The following VRK2 variants were observed in gnomAD, a reference collection of about 807,000 sequenced individuals.
The protein encoded by VRK2 is VRK serine/threonine kinase 2, also known as serine/threonine-protein kinase VRK2.
In VRK2, 60 loss-of-function variants were observed where a neutral mutation model predicts 57.6. The ratio of observed to expected loss-of-function variants is 1.04; its 90% CI spans 0.85 to 1.29. The LOEUF (loss-of-function observed/expected upper bound fraction) is 1.29, where lower values mean the gene tolerates loss of function less well. VRK2 is among the 50% of genes most tolerant of loss of function. The pLI, the probability that VRK2 is intolerant of heterozygous loss-of-function variation, is 0.00. For synonymous variants in VRK2, 231 were observed against 199.2 expected, an observed-to-expected ratio of 1.16 and a Z score of -1.35; for missense variants, 705 against 588.1, an observed-to-expected ratio of 1.20 and a Z score of -2.06.
chr2:58,059,031 G>A (rs1376720321), intron 2 of VRK2, among the ~76,000 whole-genome samples: 1 of 152,014 alleles, frequency 6.6e-6, no homozygotes, highest in African/African-American at 2.4e-5. Context: ...TAAGAAATCT[G>A]TTAGTGATGA....
At chr2:58,044,822 G>C (rs1674617093), upstream of VRK2, among the ~76,000 whole-genome samples, 1 of 152,278 alleles carries the variant, frequency 6.6e-6, no homozygotes, top group Admixed American at 6.5e-5. Flanking sequence ...GTGCATAATA[G>C]GTAGATCAGT....
At chr2:57,934,276 G>T (rs1002393770) in intron 1 of VRK2, among the ~76,000 whole-genome samples, 8 of 152,084 alleles carry the variant, frequency 5.3e-5, no homozygotes, top group Non-Finnish European at 1.0e-4. Flanking sequence ...CCTTGAATCA[G>T]GTTGAAGAAC....
intron 2 of VRK2, among the ~76,000 whole-genome samples, chr2:58,062,043 A>G (rs1677419928): frequency 6.6e-6 from 1 of 152,072 alleles, no homozygotes; most frequent in African/African-American, 2.4e-5. Flanking sequence ...CCCTGCATCA[A>G]CCAAATCTAT....
At chr2:58,072,963 C>T (rs1669566735) in intron 2 of VRK2, among the ~76,000 whole-genome samples, 1 of 152,090 alleles carries the variant, frequency 6.6e-6, no homozygotes, top group Middle Eastern at 3.4e-3. Flanking sequence ...GTATTCAATG[C>T]TATAAATTTC....
At chr2:58,052,448 C>G (rs1470309985) in intron 2 of VRK2, among the ~76,000 whole-genome samples, 2 of 151,752 alleles carry the variant, frequency 1.3e-5, no homozygotes, top group African/African-American at 2.4e-5. Flanking sequence ...TACTAAAACA[C>G]AAAAAATTAG....
intron 1 of VRK2, among the ~76,000 whole-genome samples, chr2:57,926,160 G>A (rs1443575650): frequency 6.6e-6 from 1 of 151,538 alleles, no homozygotes; most frequent in Non-Finnish European, 1.5e-5. Context: ...GGGTATCTTT[G>A]AGAATAATCC....
At chr2:57,911,668 G>A (rs1163798865) in intron 1 of VRK2, among the ~76,000 whole-genome samples, 3 of 152,178 alleles carry the variant, frequency 2.0e-5, no homozygotes, top group African/African-American at 4.8e-5. Context: ...TAATTCATGT[G>A]CATCAATGGA....
intron 1 of VRK2, among the ~76,000 whole-genome samples, chr2:57,909,485 T>A (rs1415506617): frequency 1.3e-5 from 2 of 152,032 alleles, no homozygotes; most frequent in African/African-American, 4.8e-5. Context: ...TGTTTTTTTT[T>A]TAGTTCTCAA....
At chr2:58,113,364 A>C (rs1675882267) in intron 7 of VRK2, among the ~76,000 whole-genome samples, 1 of 151,804 alleles carries the variant, frequency 6.6e-6, no homozygotes, top group African/African-American at 2.4e-5. Context: ...AACTTCCCTT[A>C]ATCAGATGAT....
chr2:58,147,241 A>AT, intron 12 of VRK2: 1 of 516,964 alleles, frequency 1.9e-6, no homozygotes, highest in African/African-American at 1.9e-5. Flanking sequence ...CAAAAATTAG[A>AT]AGCATAGTAC....
chr2:58,134,673 A>C (rs1330954590), intron 9 of VRK2, among the ~76,000 whole-genome samples: 1 of 149,954 alleles, frequency 6.7e-6, no homozygotes, highest in Non-Finnish European at 1.5e-5. Flanking sequence ...CCCCCGCCCC[A>C]GTTCAGTACC....
intron 1 of VRK2, among the ~76,000 whole-genome samples, chr2:57,961,474 G>A (rs567166619): frequency 6.6e-6 from 1 of 152,264 alleles, no homozygotes; most frequent in African/African-American, 2.4e-5. Flanking sequence ...TATAGGCATT[G>A]ACAAGTCACA....
At chr2:57,983,192 G>A (rs1002434999) in intron 1 of VRK2, among the ~76,000 whole-genome samples, 31 of 152,058 alleles carry the variant, frequency 2.0e-4, no homozygotes, top group African/African-American at 7.0e-4. Context: ...GGTTTCTCTC[G>A]TGGGTGAAGC....
At chr2:58,136,692 G>A (rs189446422) in intron 10 of VRK2, among the ~76,000 whole-genome samples, 95 of 150,626 alleles carry the variant, frequency 6.3e-4, no homozygotes, top group African/African-American at 1.9e-3. Context: ...GCCCTTATTG[G>A]CACTTTTACC....
chr2:57,944,029 G>A (rs994621948), intron 1 of VRK2, among the ~76,000 whole-genome samples: 9 of 152,176 alleles, frequency 5.9e-5, no homozygotes, highest in African/African-American at 2.2e-4. Flanking sequence ...GGCTCATAGA[G>A]TGTAGTTTGC....
At chr2:58,050,123 G>A (rs1336589188) in intron 2 of VRK2, among the ~76,000 whole-genome samples, 1 of 151,948 alleles carries the variant, frequency 6.6e-6, no homozygotes, top group Non-Finnish European at 1.5e-5. Context: ...TACATATGTA[G>A]TTTAAAATTT....
At chr2:57,947,737 T>G (rs1671305217) in intron 1 of VRK2, among the ~76,000 whole-genome samples, 2 of 152,226 alleles carry the variant, frequency 1.3e-5, no homozygotes, top group Non-Finnish European at 2.9e-5. Context: ...ACTTTTTTTC[T>G]GTATAGCCCT....
chr2:58,156,381 A>G (rs1000100264), intron 12 of VRK2, among the ~76,000 whole-genome samples: 3 of 151,992 alleles, frequency 2.0e-5, no homozygotes. Context: ...AGCTGCTTTT[A>G]TCTGTGGGTT....
At chr2:57,933,927 T>C (rs1390660467) in intron 1 of VRK2, among the ~76,000 whole-genome samples, 1 of 152,186 alleles carries the variant, frequency 6.6e-6, no homozygotes, top group Non-Finnish European at 1.5e-5. Context: ...TTGTTTGTTT[T>C]GTGACCATGA....
Sources: allele counts gnomAD v4.1 joint callset (sites outside exome capture counted in the v4.1 genomes callset), GRCh38; gene constraint gnomAD v4.1.1; transcripts MANE v1.5; gene names NCBI Gene and HGNC (gene_info 2026-07-23, HGNC 2026-07-21).